HOXA7: variants seen among roughly 807,000 people sequenced by gnomAD.
HOXA7 encodes the protein homeobox protein Hox-A7.
Under a neutral mutation model 16.8 loss-of-function variants are expected in HOXA7, and 16 were observed. The observed-to-expected ratio is 0.95, with a 90% CI of 0.64 to 1.44. The LOEUF is 1.44. Among genes scored for constraint, HOXA7 ranks in the 40% most tolerant of loss-of-function variants. The probability of loss-of-function intolerance (pLI) is 0.00; values close to 1 mark genes in which losing one functional copy is unlikely to be tolerated. For missense variants in HOXA7, 379 were observed against 328.6 expected (o/e 1.15, Z -1.19); for synonymous variants, 169 against 144.3 (o/e 1.17, Z -1.23).
Position 27,155,083 on chromosome 7 carries a change from C to T in HOXA7, c.519G>A (p.Gln173=). 1 of 1,614,254 alleles carries T rather than the reference C, an allele frequency of 6.2e-7. No homozygotes were observed. Among genetic ancestry groups the T allele is most frequent in the Admixed American group, 1.7e-5 (1 of 60,032 alleles). Residue 173 remains glutamine, a synonymous_variant, in exon 2 of 2, where the codon CAG becomes CAA. Transcript: ENST00000242159. ...IAHALCLTER[Q]IKIWFQNRRM... ...GGCGGTTCTGGAACCAGATCTTAAT[C>T]TGGCGCTCGGTGAGGCAGAGCGCGT...
chr7:27,155,867 CTT>C (rs979003277), intron 1 of HOXA7: 12 of 321,166 alleles, frequency 3.7e-5, no homozygotes, highest in African/African-American at 1.5e-4. Flanking sequence ...AGCGAACAAA[CTT>C]AATGTTAAAA....
chr7:27,155,266 T>G, intron 1 of HOXA7, 44 bp from the exon 2 acceptor site: 1 of 1,568,470 alleles, frequency 6.4e-7, no homozygotes, highest in South Asian at 1.1e-5. Context: ...GACAGACAAG[T>G]AGACAGGGCA....
At chr7:27,156,086 CGCGCTCCGCGCTCCCCAGCGCT>C (rs1327323381) in intron 1 of HOXA7, 59 bp downstream of exon 1, 8 of 1,371,306 alleles carry the variant, frequency 5.8e-6, no homozygotes, top group South Asian at 1.8e-5. Context: ...CCCCGCGCCC[CGCGCTCCGCGCTCCCCAGCGCT>C]GCGCTCCCCG....
rs1425321957 is a variant in HOXA7, at chr7:27,154,698, G to C, written c.*211C>G. 11 of 688,494 alleles carry C rather than the reference G, an allele frequency of 1.6e-5. No homozygotes were observed. Among genetic ancestry groups the C allele is most frequent in the African/African-American group, 1.3e-4 (7 of 55,466 alleles). The allele number at this position is 688,494 out of a possible 1,614,324, so 42.6% of individuals were successfully genotyped here. On this transcript the variant is annotated 3_prime_UTR_variant, in exon 2 of 2. Coordinates refer to ENST00000242159, the MANE Select transcript of HOXA7 (RefSeq NM_006896.4). The stretch of plus-strand genomic sequence containing the variant: ...GGCAGAGGGAATCCAAGGCGACCCA[G>C]TCTCTGCGGCCGCTCAGTCCACAAA...
chr7:27,156,326 C>A lies in HOXA7; in HGVS notation c.220G>T (p.Ala74Ser). Residue 74 changes from alanine (A) to serine (S), a missense_variant, in exon 1 of 2, where the codon GCC (alanine) becomes TCC (serine). Ala to Ser is a moderately conservative substitution (Grantham distance 99). Coordinates refer to ENST00000242159, the MANE Select transcript of HOXA7 (RefSeq NM_006896.4). The part of the protein sequence containing the change: ...SPFASGYGLG[A>S]DAYGNLPCAS... ...CAGGGCAGGTTGCCGTAGGCGTCGGCGCCCAGGCCGTAGCCGGACGCAAAG... is the reference window on the plus strand; with the variant it reads ...CAGGGCAGGTTGCCGTAGGCGTCGGAGCCCAGGCCGTAGCCGGACGCAAAG... The A allele has an allele frequency of 6.2e-7, 1 of 1,613,996 alleles. No homozygotes were observed. Among genetic ancestry groups the A allele is most frequent in the East Asian group, 2.2e-5 (1 of 44,882 alleles).
Position 27,154,792 on chromosome 7 carries a change from T to G in HOXA7, c.*117A>C. 1.4e-6 allele frequency: 2 copies of G among 1,426,164 alleles called. No individual in the cohort carries two copies. The highest frequency in any genetic ancestry group is 1.8e-6 in the Non-Finnish European group (2 of 1,086,318). The allele number at this position is 1,426,164 out of a possible 1,614,324, so 88.3% of individuals were successfully genotyped here. On this transcript the variant is annotated 3_prime_UTR_variant, in exon 2 of 2. Coordinates refer to ENST00000242159, the MANE Select transcript of HOXA7 (RefSeq NM_006896.4). ...TTGGGGACTGGGTTGCTTTTTTGTT[T>G]TTGTTTTTGTTTTTTACATTTTCTT...
Position 27,154,617 on chromosome 7 carries a change from G to A in HOXA7, c.*292C>T, listed in dbSNP as rs1216698173. ...GCCTGTGCTAGGTAGTATTTTGGAC[G>A]CGCCAGAGCAGGGCCGGCTGGCCTG... On this transcript the variant is annotated 3_prime_UTR_variant, in exon 2 of 2. Coordinates refer to ENST00000242159, the MANE Select transcript of HOXA7 (RefSeq NM_006896.4). 5 of 430,682 alleles carry A rather than the reference G, an allele frequency of 1.2e-5. No homozygotes were observed. The highest frequency in any genetic ancestry group is 6.8e-5 in the South Asian group (2 of 29,574). The allele number at this position is 430,682 out of a possible 1,614,324, so 26.7% of individuals were successfully genotyped here.
intron 1 of HOXA7, chr7:27,155,602 G>T (rs1455926518): frequency 8.6e-6 from 2 of 232,462 alleles, no homozygotes; most frequent in East Asian, 1.9e-4. Context: ...CCCCTGCCTT[G>T]CTAGGCAAGT....
Position 27,156,624 on chromosome 7 carries a change from C to T in HOXA7, c.-79G>A. Reference sequence around the variant, plus strand: ...TAGAGTGATATATGATAACATTACACCCCCAGATTTACACCAAACCCCATT... The same window carrying T: ...TAGAGTGATATATGATAACATTACATCCCCAGATTTACACCAAACCCCATT... On this transcript the variant is annotated 5_prime_UTR_variant, in exon 1 of 2. The change creates a new upstream start codon in the 5' untranslated region. Coordinates refer to ENST00000242159, the MANE Select transcript of HOXA7 (RefSeq NM_006896.4). 1.4e-6 allele frequency: 2 copies of T among 1,437,182 alleles called. No homozygotes were observed. The highest frequency in any genetic ancestry group is 1.9e-6 in the Non-Finnish European group (2 of 1,061,690). The allele number at this position is 1,437,182 out of a possible 1,614,324, so 89.0% of individuals were successfully genotyped here. A position where few individuals can be genotyped will look rare whatever the true frequency, so the allele number is the denominator to read the frequency against.
In HOXA7 at chr7:27,154,377, A is replaced by G. The variant is rs1783062415; in HGVS notation, c.*532T>C. The G allele has an allele frequency of 6.5e-6, 1 of 154,406 alleles. No individual in the cohort carries two copies. The highest frequency in any genetic ancestry group is 2.4e-5 in the African/African-American group (1 of 41,474). The allele number at this position is 154,406 out of a possible 1,614,324, so 9.6% of individuals were successfully genotyped here. On this transcript the variant is annotated 3_prime_UTR_variant, in exon 2 of 2. Transcript: ENST00000242159. ...AGCTGCGGGCTGTAAGCAGCAGGGGACTTGCCTGGGAGCAGTCGGCACTAG... is the reference window on the plus strand; with the variant it reads ...AGCTGCGGGCTGTAAGCAGCAGGGGGCTTGCCTGGGAGCAGTCGGCACTAG...
rs938550877 is a variant in HOXA7 at position 27,154,636 on chromosome 7, T to G, written c.*273A>C. On this transcript the variant is annotated 3_prime_UTR_variant, in exon 2 of 2. Transcript: ENST00000242159. ...TTGGACGCGCCAGAGCAGGGCCGGC[T>G]GGCCTGGGGTTGGGGGTGTCTTTTG... is the stretch of plus-strand genomic sequence containing the variant. 1 of 501,502 alleles carries G rather than the reference T, an allele frequency of 2.0e-6. No homozygotes were observed. The highest frequency in any genetic ancestry group is 1.9e-5 in the African/African-American group (1 of 51,510). The allele number at this position is 501,502 out of a possible 1,614,324, so 31.1% of individuals were successfully genotyped here. A position where few individuals can be genotyped will look rare whatever the true frequency, so the allele number is the denominator to read the frequency against.
At chr7:27,155,493 C>A in intron 1 of HOXA7, 1 of 517,464 alleles carries the variant, frequency 1.9e-6, no homozygotes, top group Non-Finnish European at 3.4e-6. Flanking sequence ...TAAGCTTCCA[C>A]AATGTCCTGC....
rs1454619883 is a variant in HOXA7, at chr7:27,154,656, CTT to C, written c.*251_*252del. ...CCGGCTGGCCTGGGGTTGGGGGTGT[CTT>C]TTGGGGTCCTCGGAGGCAGAGGGAA... On this transcript the variant is annotated 3_prime_UTR_variant, in exon 2 of 2. Transcript: ENST00000242159. The C allele has an allele frequency of 1.8e-6, 1 of 559,202 alleles. No individual in the cohort carries two copies. Among genetic ancestry groups the C allele is most frequent in the Non-Finnish European group, 3.1e-6 (1 of 325,712 alleles). 34.6% of individuals were successfully genotyped at this position (559,202 alleles called of 1,614,324 possible). A position where few individuals can be genotyped will look rare whatever the true frequency, so the allele number is the denominator to read the frequency against.
chr7:27,155,019 T>C lies in HOXA7; in HGVS notation c.583A>G (p.Thr195Ala). The C allele has an allele frequency of 6.2e-7, 1 of 1,614,176 alleles. No individual in the cohort carries two copies. Among genetic ancestry groups the C allele is most frequent in the Non-Finnish European group, 8.5e-7 (1 of 1,180,016 alleles). ...WKKEHKDEGP[T>A]AAAAPEGAVP... ...GCGCCCTCGGGAGCTGCGGCGGCAG[T>C]CGGACCTTCGTCCTTATGCTCTTTC... Residue 195 changes from threonine to alanine, a missense_variant, in exon 2 of 2, where the codon ACT (threonine) becomes GCT (alanine). By Grantham distance (58) the Thr-to-Ala change is moderately conservative. Coordinates refer to ENST00000242159, the MANE Select transcript of HOXA7 (RefSeq NM_006896.4).
Position 27,154,846 on chromosome 7 carries a change from C to G in HOXA7, c.*63G>C, listed in dbSNP as rs1783073759. ...TTTTTCCCATTTTTGTAAGTAAAAC[C>G]AGTGAGTCTCTTAAAGACGCTTTTC... is the stretch of plus-strand genomic sequence containing the variant. On this transcript the variant is annotated 3_prime_UTR_variant, in exon 2 of 2. Transcript: ENST00000242159. 11 of 1,523,758 alleles carry G rather than the reference C, an allele frequency of 7.2e-6. No individual in the cohort carries two copies. The highest frequency in any genetic ancestry group is 8.8e-6 in the Non-Finnish European group (10 of 1,138,412). 94.4% of individuals were successfully genotyped at this position (1,523,758 alleles called of 1,614,324 possible). A position where few individuals can be genotyped will look rare whatever the true frequency, so the allele number is the denominator to read the frequency against.
In HOXA7 at chr7:27,156,517, A is replaced by C. The variant is rs1309115771; in HGVS notation, c.29T>G (p.Leu10Arg). Reference protein sequence around the residue: MSSSYYVNALFSKYTAGASL... With the variant: MSSSYYVNARFSKYTAGASL... ...AGCCCCCGCCGTATATTTGCTAAAA[A>C]GCGCGTTCACATAATACGAAGAACT... Residue 10 changes from leucine to arginine, a missense_variant, in exon 1 of 2, where the codon CTT becomes CGT. By Grantham distance (102) the Leu-to-Arg change is moderately radical. Transcript: ENST00000242159. 6 of 1,586,764 alleles carry C rather than the reference A, an allele frequency of 3.8e-6. No individual in the cohort carries two copies. The Admixed American group carries it at 1.1e-4, about 28-fold the overall frequency.
rs185124386 is a variant in HOXA7 at position 27,154,827 on chromosome 7, C to T, written c.*82G>A. ...TTTTTTACATTTTCTTTTATTTTTC[C>T]CATTTTTGTAAGTAAAACCAGTGAG... On this transcript the variant is annotated 3_prime_UTR_variant, in exon 2 of 2. Transcript: ENST00000242159. 16 of 1,483,730 alleles carry T rather than the reference C, an allele frequency of 1.1e-5. No individual in the cohort carries two copies. Among genetic ancestry groups the T allele is most frequent in the Admixed American group, 7.7e-5 (3 of 38,742 alleles). The allele number at this position is 1,483,730 out of a possible 1,614,324, so 91.9% of individuals were successfully genotyped here.
In HOXA7 at chr7:27,156,152, A is replaced by T; in HGVS notation, c.379+15T>A. ...CCCGCTCCGCCAGCCTGGCCCGCCT[A>T]GCGACTGCGCCTACCTGAAGACCGC... On this transcript the variant is annotated intron_variant, in intron 1 of 1. Transcript: ENST00000242159. The T allele has an allele frequency of 1.3e-6, 2 of 1,485,760 alleles. No homozygotes were observed. Among genetic ancestry groups the T allele is most frequent in the Middle Eastern group, 2.3e-4 (1 of 4,430 alleles). 92.0% of individuals were successfully genotyped at this position (1,485,760 alleles called of 1,614,324 possible).
In HOXA7 at chr7:27,154,672, A is replaced by T. The variant is rs1783070485; in HGVS notation, c.*237T>A. ...TGGGGGTGTCTTTTGGGGTCCTCGGAGGCAGAGGGAATCCAAGGCGACCCA... is the reference window on the plus strand; with the variant it reads ...TGGGGGTGTCTTTTGGGGTCCTCGGTGGCAGAGGGAATCCAAGGCGACCCA... On this transcript the variant is annotated 3_prime_UTR_variant, in exon 2 of 2. Transcript: ENST00000242159. 1 of 593,138 alleles carries T rather than the reference A, an allele frequency of 1.7e-6. No homozygotes were observed. The highest frequency in any genetic ancestry group is 3.0e-5 in the East Asian group (1 of 33,338). 36.7% of individuals were successfully genotyped at this position (593,138 alleles called of 1,614,324 possible).
Sources: gnomAD v4.1 joint callset for allele counts on GRCh38, gnomAD v4.1.1 for gene constraint, MANE v1.5 for transcripts, NCBI Gene and HGNC (gene_info 2026-07-23, HGNC 2026-07-21) for gene names.